UNC5C: variants seen among roughly 807,000 people sequenced by gnomAD.
UNC5C encodes netrin receptor UNC5C.
A neutral mutation model predicts 99.8 loss-of-function variants in UNC5C; 47 were observed. That is an observed-to-expected ratio of 0.47 (90% CI 0.37 to 0.60). The LOEUF is 0.60. Ranked by LOEUF, UNC5C falls within the 20% of genes least tolerant of loss-of-function variation. The pLI, the probability that UNC5C is intolerant of heterozygous loss-of-function variation, is 0.00. For synonymous variants in UNC5C, 487 were observed against 452.2 expected (o/e 1.08, Z -0.98); for missense variants, 1,062 against 1,165.9 (o/e 0.91, Z 1.30).
chr4:95,245,622 C>T (rs1343585159), intron 5 of UNC5C, among the ~76,000 whole-genome samples: 1 of 152,112 alleles, frequency 6.6e-6, no homozygotes, highest in Non-Finnish European at 1.5e-5. Context: ...GATTTTTATT[C>T]ACTTGCACAA....
intron 1 of UNC5C, among the ~76,000 whole-genome samples, chr4:95,438,270 G>GA (rs1243378661): frequency 6.6e-5 from 10 of 152,116 alleles, no homozygotes; most frequent in Admixed American, 5.9e-4. Flanking sequence ...TACTACCAGT[G>GA]AAAATTAAAA....
chr4:95,269,203 G>A (rs1740566107), intron 4 of UNC5C, among the ~76,000 whole-genome samples: 1 of 152,212 alleles, frequency 6.6e-6, no homozygotes, highest in Admixed American at 6.5e-5. Flanking sequence ...CTCTGGGTGG[G>A]ATATAAGCAT....
Position 95,219,082 on chromosome 4 carries a change from T to C in UNC5C, c.1532A>G (p.Glu511Gly), listed in dbSNP as rs1465176942. 2 of 1,614,028 alleles carry C rather than the reference T, an allele frequency of 1.2e-6. No homozygotes were observed. Among genetic ancestry groups the C allele is most frequent in the African/African-American group, 1.3e-5 (1 of 74,904 alleles). The change falls in exon 9 of 16, where the codon GAG (glutamate) becomes GGG (glycine). Residue 511 changes from glutamate to glycine, a missense_variant. Physicochemically the swap from Glu to Gly is moderately conservative, Grantham distance 98. Transcript: ENST00000453304. ...GTTCTTCAGGCTGAGGGCTTCATTC[T>C]CCAACAACGACTGGGTCATCTGAGG... Reference protein sequence around the residue: ...LSPQMTQSLLENEALSLKNQS... With the variant: ...LSPQMTQSLLGNEALSLKNQS...
At chr4:95,346,956 TGGAAAGAAAGAAG>T (rs1357382474) in intron 1 of UNC5C, among the ~76,000 whole-genome samples, 8 of 151,970 alleles carry the variant, frequency 5.3e-5, no homozygotes, top group African/African-American at 1.7e-4. Context: ...GCATCTAAAC[TGGAAAGAAAGAAG>T]TCAAATTATC....
chr4:95,404,724 G>A (rs996827435), intron 1 of UNC5C, among the ~76,000 whole-genome samples: 6 of 152,098 alleles, frequency 3.9e-5, no homozygotes, highest in Non-Finnish European at 8.8e-5. Context: ...ATGAGAACAG[G>A]AATTTCTGGT....
intron 1 of UNC5C, among the ~76,000 whole-genome samples, chr4:95,407,226 G>C (rs145625889): frequency 6.6e-6 from 1 of 152,170 alleles, no homozygotes; most frequent in South Asian, 2.1e-4. Context: ...GCACAGTATC[G>C]ATTGACTATA....
At chr4:95,548,462 C>T (rs999312571) in intron 1 of UNC5C, among the ~76,000 whole-genome samples, 1 of 152,000 alleles carries the variant, frequency 6.6e-6, no homozygotes, top group African/African-American at 2.4e-5. Flanking sequence ...GGCTCCCACA[C>T]GTATGGAGAC....
rs192196447 is a variant in UNC5C, at chr4:95,545,764, G to A, written c.124+2970C>T. Among the ~76,000 whole-genome samples, 222 of 130,704 alleles carry A rather than the reference G, an allele frequency of 1.7e-3. 5 individuals are homozygous for A. In the East Asian group the frequency reaches 0.048, roughly 28 times the overall value. The allele number at this position is 130,704 out of a possible 152,430, so 85.7% of individuals were successfully genotyped here. On this transcript the variant is annotated intron_variant, in intron 1 of 15. Coordinates refer to ENST00000453304, the MANE Select transcript of UNC5C (RefSeq NM_003728.4). Reference sequence around the variant, plus strand: ...AAGCACACTGATCTCACACACACGCGCGCGCGCGCACACACACACACACAC... The same window carrying A: ...AAGCACACTGATCTCACACACACGCACGCGCGCGCACACACACACACACAC...
At chr4:95,380,831 A>T (rs1192135045) in intron 1 of UNC5C, among the ~76,000 whole-genome samples, 1 of 152,180 alleles carries the variant, frequency 6.6e-6, no homozygotes, top group Non-Finnish European at 1.5e-5. Flanking sequence ...TGCAGCTAAT[A>T]GCATTGAGCC....
intron 2 of UNC5C, among the ~76,000 whole-genome samples, chr4:95,319,567 A>G (rs1188190183): frequency 6.6e-6 from 1 of 152,162 alleles, no homozygotes; most frequent in African/African-American, 2.4e-5. Context: ...TACATCTCCA[A>G]AAGGTACTAT....
intron 1 of UNC5C, among the ~76,000 whole-genome samples, chr4:95,539,742 G>T (rs189096331): frequency 2.0e-5 from 3 of 151,784 alleles, no homozygotes; most frequent in Admixed American, 1.3e-4. Context: ...TCTTCATTTC[G>T]TTAAGAATCG....
At chr4:95,197,783 A>G (rs1440143428) in intron 12 of UNC5C, among the ~76,000 whole-genome samples, 2 of 152,150 alleles carry the variant, frequency 1.3e-5, no homozygotes, top group Non-Finnish European at 2.9e-5. Context: ...ATGATTTTTC[A>G]TAGCAACTCA....
rs1746592838 is a variant in UNC5C at position 95,430,114 on chromosome 4, C to A, written c.125-94483G>T. On this transcript the variant is annotated intron_variant, in intron 1 of 15. Transcript: ENST00000453304. The stretch of plus-strand genomic sequence containing the variant: ...GTTGTTATACATTGGCCAAAACCCA[C>A]AGAATGTACAACAGTAAGAGTGAAC... 3.3e-5 allele frequency among the ~76,000 whole-genome samples: 5 copies of A among 152,188 alleles called. No individual in the cohort carries two copies. The South Asian group carries it at 1.0e-3, about 32-fold the overall frequency.
chr4:95,302,561 C>T (rs1181845548), intron 2 of UNC5C, among the ~76,000 whole-genome samples: 2 of 152,174 alleles, frequency 1.3e-5, no homozygotes, highest in African/African-American at 4.8e-5. Flanking sequence ...GAGGGGTTAT[C>T]TGAACAACAT....
chr4:95,354,479 A>ATATATATATATATT, intron 1 of UNC5C, among the ~76,000 whole-genome samples: 10 of 110,348 alleles, frequency 9.1e-5, no homozygotes, highest in African/African-American at 4.0e-4. Flanking sequence ...ATATATATAT[A>ATATATATATATATT]TTTTTTTTTT....
At chr4:95,322,631 T>C (rs1742731885) in intron 2 of UNC5C, among the ~76,000 whole-genome samples, 1 of 152,112 alleles carries the variant, frequency 6.6e-6, no homozygotes, top group Non-Finnish European at 1.5e-5. Context: ...ACTGTGATTT[T>C]TGCACTTCAA....
At chr4:95,171,016 A>C (rs1359254912) in intron 14 of UNC5C, among the ~76,000 whole-genome samples, 1 of 152,238 alleles carries the variant, frequency 6.6e-6, no homozygotes, top group Non-Finnish European at 1.5e-5. Flanking sequence ...TAGTAGAGAA[A>C]ACCATAAATT....
intron 1 of UNC5C, among the ~76,000 whole-genome samples, chr4:95,457,526 C>G (rs1560840025): frequency 1.3e-5 from 2 of 152,110 alleles, no homozygotes; most frequent in African/African-American, 4.8e-5. Flanking sequence ...ACCAACAAAA[C>G]AAGAGCACAC....
intron 1 of UNC5C, among the ~76,000 whole-genome samples, chr4:95,379,319 G>A (rs1026125685): frequency 2.6e-5 from 4 of 152,102 alleles, no homozygotes; most frequent in African/African-American, 4.8e-5. Context: ...GTGCACTATT[G>A]GAAAATTTGC....
Sources: allele counts gnomAD v4.1 joint callset (sites outside exome capture counted in the v4.1 genomes callset), GRCh38; gene constraint gnomAD v4.1.1; transcripts MANE v1.5; gene names NCBI Gene and HGNC (gene_info 2026-07-23, HGNC 2026-07-21).